Variants in PHACTR1 observed in about 807,000 individuals in gnomAD.
PHACTR1 encodes phosphatase and actin regulator 1, also known as RPEL repeat containing 1.
In PHACTR1, 16 loss-of-function variants were observed where a neutral mutation model predicts 69.2. The observed-to-expected ratio is 0.23, with a 90% CI of 0.16 to 0.35. The LOEUF is 0.35. Ranked by LOEUF, PHACTR1 falls within the 10% of genes least tolerant of loss-of-function variation. The pLI, the probability that PHACTR1 is intolerant of heterozygous loss-of-function variation, is 1.00. For synonymous variants in PHACTR1, 312 were observed against 284.5 expected (o/e 1.10, Z -0.97); for missense variants, 510 against 734.7 (o/e 0.69, Z 3.54).
intron 4 of PHACTR1, among the ~76,000 whole-genome samples, chr6:12,833,764 A>C (rs1191480877): frequency 6.6e-6 from 1 of 152,092 alleles, no homozygotes; most frequent in East Asian, 1.9e-4. Flanking sequence ...ACTTTTAACT[A>C]TAAATCCTCT....
chr6:13,094,284 A>T (rs954887622), intron 5 of PHACTR1, among the ~76,000 whole-genome samples: 1 of 140,708 alleles, frequency 7.1e-6, no homozygotes, highest in Non-Finnish European at 1.5e-5. Context: ...ATTATTTTTT[A>T]AAAATGATAA....
At chr6:13,077,134 TAGGAGGCTTCAGGAACATTAAA>T (rs1810621788) in intron 5 of PHACTR1, among the ~76,000 whole-genome samples, 1 of 144,868 alleles carries the variant, frequency 6.9e-6, no homozygotes, top group Non-Finnish European at 1.5e-5. Flanking sequence ...GAAGTTGGCT[TAGGAGGCTTCAGGAACATTAAA>T]AGATGAAATG....
chr6:13,241,317 G>A (rs1400005891), intron 10 of PHACTR1, among the ~76,000 whole-genome samples: 1 of 152,182 alleles, frequency 6.6e-6, no homozygotes, highest in Non-Finnish European at 1.5e-5. Flanking sequence ...TTCTCCTGGT[G>A]TGGCCCTTGG....
chr6:13,216,123 A>C (rs1408453390), intron 8 of PHACTR1, among the ~76,000 whole-genome samples: 2 of 152,230 alleles, frequency 1.3e-5, no homozygotes, highest in Non-Finnish European at 2.9e-5. Flanking sequence ...AAGAAATTGA[A>C]ATCAGTAGAC....
At chr6:12,759,979 T>C (rs1356642767) in intron 4 of PHACTR1, among the ~76,000 whole-genome samples, 3 of 152,312 alleles carry the variant, frequency 2.0e-5, no homozygotes, top group Non-Finnish European at 4.4e-5. Flanking sequence ...AAAATAGGAC[T>C]AGTGATAGTA....
intron 4 of PHACTR1, among the ~76,000 whole-genome samples, chr6:13,050,775 T>C (rs1253808944): frequency 6.6e-6 from 1 of 152,242 alleles, no homozygotes; most frequent in South Asian, 2.1e-4. Flanking sequence ...TGCTTCTTCC[T>C]TTATCATCAA....
At chr6:12,912,139 A>G (rs1415604841) in intron 4 of PHACTR1, among the ~76,000 whole-genome samples, 1 of 152,192 alleles carries the variant, frequency 6.6e-6, no homozygotes, top group Non-Finnish European at 1.5e-5. Flanking sequence ...CTGGAATTAC[A>G]GGCATGCACC....
intron 4 of PHACTR1, among the ~76,000 whole-genome samples, chr6:12,770,690 AG>A (rs1156716765): frequency 6.6e-6 from 1 of 152,234 alleles, no homozygotes; most frequent in Non-Finnish European, 1.5e-5. Context: ...GGCAAGACAA[AG>A]ACATCTCTGC....
chr6:13,009,185 C>T (rs1002947590), intron 4 of PHACTR1, among the ~76,000 whole-genome samples: 9 of 152,164 alleles, frequency 5.9e-5, no homozygotes, highest in Admixed American at 3.9e-4. Flanking sequence ...CTAGGATAAT[C>T]TCCTCATCTC....
intron 4 of PHACTR1, among the ~76,000 whole-genome samples, chr6:12,935,684 G>A (rs1789367773): frequency 6.6e-6 from 1 of 152,100 alleles, no homozygotes; most frequent in Non-Finnish European, 1.5e-5. Context: ...TTTTGGGGTA[G>A]TGTGGTAGGG....
intron 5 of PHACTR1, among the ~76,000 whole-genome samples, chr6:13,091,392 T>C (rs1813266735): frequency 6.6e-6 from 1 of 152,126 alleles, no homozygotes; most frequent in Non-Finnish European, 1.5e-5. Context: ...CAGCCAGCAT[T>C]TGGCCTTGAA....
At chr6:13,091,562 T>C (rs1307115965) in intron 5 of PHACTR1, among the ~76,000 whole-genome samples, 2 of 152,172 alleles carry the variant, frequency 1.3e-5, no homozygotes, top group East Asian at 1.9e-4. Context: ...TTTAGGATGA[T>C]TTAAGCACAT....
intron 4 of PHACTR1, among the ~76,000 whole-genome samples, chr6:12,768,097 C>T (rs1314389587): frequency 2.7e-5 from 4 of 148,468 alleles, no homozygotes; most frequent in Non-Finnish European, 6.0e-5. Flanking sequence ...TCTCTTAGAA[C>T]ACTATCAAAT....
At chr6:13,054,593 T>G (rs774617040) in intron 5 of PHACTR1, among the ~76,000 whole-genome samples, 1 of 152,158 alleles carries the variant, frequency 6.6e-6, no homozygotes, top group Non-Finnish European at 1.5e-5. Context: ...ACCTCTTCAT[T>G]TTTGTGTGCA....
chr6:12,982,808 C>A (rs1795680861), intron 4 of PHACTR1, among the ~76,000 whole-genome samples: 2 of 152,196 alleles, frequency 1.3e-5, no homozygotes, highest in African/African-American at 4.8e-5. Context: ...CCTCTGTTTG[C>A]TCATCCATCC....
intron 4 of PHACTR1, among the ~76,000 whole-genome samples, chr6:12,834,865 A>G (rs559402590): frequency 1.8e-4 from 27 of 152,134 alleles, no homozygotes; most frequent in African/African-American, 5.8e-4. Context: ...AACAATGTAG[A>G]ACATTCTAGA....
chr6:13,159,016 C>T (rs1361985331), intron 5 of PHACTR1, among the ~76,000 whole-genome samples: 2 of 152,230 alleles, frequency 1.3e-5, no homozygotes, highest in African/African-American at 2.4e-5. Flanking sequence ...GAATAGCCTT[C>T]TTTCCTCCCC....
chr6:13,082,409 A>G (rs1244861357), intron 5 of PHACTR1, among the ~76,000 whole-genome samples: 2 of 152,230 alleles, frequency 1.3e-5, no homozygotes, highest in African/African-American at 2.4e-5. Context: ...TGTTAGCCAT[A>G]GGAATCTGAA....
intron 10 of PHACTR1, among the ~76,000 whole-genome samples, chr6:13,265,666 C>T (rs7754776): frequency 0.034 from 5,111 of 152,220 alleles, 230 homozygotes; most frequent in East Asian, 0.11. Flanking sequence ...GGTGTGAGTG[C>T]GATCCTCTTG....
Sources: gnomAD v4.1 joint callset for allele counts (sites outside exome capture counted in the v4.1 genomes callset) on GRCh38, gnomAD v4.1.1 for gene constraint, MANE v1.5 for transcripts, NCBI Gene and HGNC (gene_info 2026-07-23, HGNC 2026-07-21) for gene names.